Variants in SGIP1 observed in about 807,000 individuals in gnomAD.
The protein encoded by SGIP1 is SH3GL interacting endocytic adaptor 1, also known as SH3-containing GRB2-like protein 3-interacting protein 1.
In SGIP1, 38 loss-of-function variants were observed where a neutral mutation model predicts 107.5. The observed-to-expected ratio is 0.35, with a 90% confidence interval of 0.27 to 0.46. The LOEUF (loss-of-function observed/expected upper bound fraction) is 0.46, where lower values mean the gene tolerates loss of function less well. Among genes scored for constraint, SGIP1 ranks in the 20% least tolerant of loss-of-function variants. The probability of loss-of-function intolerance (pLI) is 1.00; values close to 1 mark genes in which losing one functional copy is unlikely to be tolerated. For missense variants in SGIP1, 929 were observed against 1,019.5 expected (o/e 0.91, Z 1.21); for synonymous variants, 365 against 366.1 (o/e 1.00, Z 0.03).
chr1:66,735,692 C>A lies in SGIP1; in HGVS notation c.2031+1812C>A, dbSNP rs1306871143. On this transcript the variant is annotated intron_variant, in intron 21 of 24. Transcript: ENST00000371037. ...AAAATTAGCCGGGCGCGGTGGCGGGCGCCTGTAGTCCCAGCTACTCGGGAG... is the reference window on the plus strand; with the variant it reads ...AAAATTAGCCGGGCGCGGTGGCGGGAGCCTGTAGTCCCAGCTACTCGGGAG... 3.0e-5 allele frequency among the ~76,000 whole-genome samples: 2 copies of A among 67,542 alleles called. 1 individual carries two copies. The highest frequency in any genetic ancestry group is 2.4e-4 in the Admixed American group (2 of 8,312). 44.3% of individuals were successfully genotyped at this position (67,542 alleles called of 152,430 possible).
rs747960966 is a variant in SGIP1 at position 66,739,486 on chromosome 1, C to G, written c.2183C>G (p.Pro728Arg). Residue 728 changes from proline (P) to arginine (R), a missense_variant, in exon 22 of 25, where the codon CCC (proline) becomes CGC (arginine). Coordinates refer to ENST00000371037, the MANE Select transcript of SGIP1 (RefSeq NM_032291.4). ...VALNNVQFLV[P>R]IDGGVTKLQA... ...CTCAACAATGTGCAGTTCCTGGTCC[C>G]CATCGACGGAGGAGTCACCAAGCTC... 1.9e-6 allele frequency: 3 copies of G among 1,614,112 alleles called. No individual in the cohort carries two copies. Among genetic ancestry groups the G allele is most frequent in the Admixed American group, 1.7e-5 (1 of 60,008 alleles).
At chr1:66,727,012 C>T (rs772750422) in intron 19 of SGIP1, among the ~76,000 whole-genome samples, 5 of 152,092 alleles carry the variant, frequency 3.3e-5, no homozygotes, top group African/African-American at 9.7e-5. Flanking sequence ...TTGTGACCTT[C>T]GGTTTGGCAA....
chr1:66,740,894 T>C (rs935022300), intron 23 of SGIP1, among the ~76,000 whole-genome samples, 172 bp downstream of exon 23: 1 of 152,240 alleles, frequency 6.6e-6, no homozygotes, highest in Non-Finnish European at 1.5e-5. Flanking sequence ...ATGAATTCTC[T>C]TTTTCCCCTT....
At chr1:66,536,808 G>A (rs2053719923) in intron 1 of SGIP1, among the ~76,000 whole-genome samples, 1 of 152,090 alleles carries the variant, frequency 6.6e-6, no homozygotes, top group Non-Finnish European at 1.5e-5. Context: ...CACATTTCTG[G>A]AAAGGAAGAA....
chr1:66,633,657 G>GA (rs1390983682), intron 3 of SGIP1, among the ~76,000 whole-genome samples: 2 of 152,186 alleles, frequency 1.3e-5, no homozygotes, highest in African/African-American at 4.8e-5. Flanking sequence ...CTGGCCACCA[G>GA]AATTCTTGCT....
At chr1:66,564,332 A>G (rs937348669) in intron 1 of SGIP1, among the ~76,000 whole-genome samples, 2 of 151,896 alleles carry the variant, frequency 1.3e-5, no homozygotes, top group Non-Finnish European at 2.9e-5. Flanking sequence ...AACATGGTAA[A>G]ATGCTGTCAT....
At chr1:66,583,245 G>T (rs12066541) in intron 1 of SGIP1, among the ~76,000 whole-genome samples, 28,543 of 151,946 alleles carry the variant, frequency 0.19, 3,151 homozygotes, top group African/African-American at 0.31. Flanking sequence ...AGCCATTAGC[G>T]CTTTTCCTAG....
In SGIP1 at chr1:66,681,985, A is replaced by G; in HGVS notation, c.931A>G (p.Lys311Glu). 6.2e-7 allele frequency: 1 copy of G among 1,614,220 alleles called. No individual in the cohort carries two copies. The highest frequency in any genetic ancestry group is 8.5e-7 in the Non-Finnish European group (1 of 1,180,036). Residue 311 changes from lysine (K) to glutamate (E), a missense_variant, in exon 15 of 25, where the codon AAG (lysine) becomes GAG (glutamate). Coordinates refer to ENST00000371037, the MANE Select transcript of SGIP1 (RefSeq NM_032291.4). ...PKSVAVNAEE[K>E]WVHFSDTSPE... ...GTCTGTTGCTGTTAATGCTGAAGAA[A>G]AGTGGGTCCATTTTTCTGATACATC...
At position 66,635,961 on chromosome 1, in the gene SGIP1, A is replaced by T. The variant is rs770097981; in HGVS notation, c.117A>T (p.Glu39Asp). 4 of 1,613,796 alleles carry T rather than the reference A, an allele frequency of 2.5e-6. No homozygotes were observed. Among genetic ancestry groups the T allele is most frequent in the Non-Finnish European group, 8.5e-7 (1 of 1,179,898 alleles). Residue 39 changes from glutamate to aspartate, a missense_variant, in exon 4 of 25, where the codon GAA (glutamate) becomes GAT (aspartate). Coordinates refer to ENST00000371037, the MANE Select transcript of SGIP1 (RefSeq NM_032291.4). ...AATTCCAGCAGCCCAGCCCACACGA[A>T]CCACCCTACAATAGCAAAGCAGAGT... ...DRDGIQPSPH[E>D]PPYNSKAECA...
At chr1:66,673,691 T>C (rs2084437042) in intron 12 of SGIP1, among the ~76,000 whole-genome samples, 1 of 152,138 alleles carries the variant, frequency 6.6e-6, no homozygotes, top group African/African-American at 2.4e-5. Context: ...TCATTTGAGG[T>C]GTCAACAGAA....
rs2053032257 is a variant in SGIP1, at chr1:66,534,223, C to G, written c.-136C>G. The G allele has an allele frequency of 1.1e-6, 1 of 893,438 alleles. No individual in the cohort carries two copies. Among genetic ancestry groups the G allele is most frequent in the Non-Finnish European group, 1.8e-6 (1 of 542,770 alleles). 55.3% of individuals were successfully genotyped at this position (893,438 alleles called of 1,614,324 possible). On this transcript the variant is annotated 5_prime_UTR_variant, in exon 1 of 25. Transcript: ENST00000371037. ...CCATGGCCTGTCTTTTGGCTTAACACTTATCTCCTTTGGCTTTGACAGCGG... is the reference window on the plus strand; with the variant it reads ...CCATGGCCTGTCTTTTGGCTTAACAGTTATCTCCTTTGGCTTTGACAGCGG...
chr1:66,591,838 A>T, intron 1 of SGIP1, among the ~76,000 whole-genome samples: 1 of 152,152 alleles, frequency 6.6e-6, no homozygotes, highest in East Asian at 1.9e-4. Context: ...GTGAGCAAAG[A>T]TCTCTGTGTC....
chr1:66,689,060 A>T, intron 15 of SGIP1, 88 bp from the exon 16 acceptor site: 1 of 1,452,936 alleles, frequency 6.9e-7, no homozygotes, highest in Non-Finnish European at 9.1e-7. Flanking sequence ...AAAAAAAAAA[A>T]AAAATGTCCG....
chr1:66,597,809 G>A (rs2065014080), intron 1 of SGIP1, among the ~76,000 whole-genome samples: 1 of 152,102 alleles, frequency 6.6e-6, no homozygotes, highest in Admixed American at 6.6e-5. Context: ...TTAACGTTTT[G>A]TTTCCTTTCC....
chr1:66,664,951 G>T (rs1056859056), intron 8 of SGIP1, among the ~76,000 whole-genome samples: 11 of 152,076 alleles, frequency 7.2e-5, no homozygotes, highest in African/African-American at 2.7e-4. Context: ...ACATCTGCTT[G>T]TTGTGCTTTT....
intron 3 of SGIP1, chr1:66,634,195 T>G: frequency 6.4e-7 from 1 of 1,571,926 alleles, no homozygotes; most frequent in African/African-American, 1.3e-5. Context: ...CTTCTTTGCT[T>G]CCGGCTTGGT....
At chr1:66,572,079 C>A (rs930543084) in intron 1 of SGIP1, among the ~76,000 whole-genome samples, 5 of 152,030 alleles carry the variant, frequency 3.3e-5, no homozygotes, top group Admixed American at 1.3e-4. Flanking sequence ...TAGTGTCCAA[C>A]AAACAAGAGG....
chr1:66,722,855 C>A (rs2093604775), intron 19 of SGIP1, among the ~76,000 whole-genome samples: 1 of 152,088 alleles, frequency 6.6e-6, no homozygotes, highest in Non-Finnish European at 1.5e-5. Context: ...TGTCTGCGGC[C>A]TTGGCATTCC....
rs902308018 is a variant in SGIP1 at position 66,534,402 on chromosome 1, A to G, written c.10+34A>G. On this transcript the variant is annotated intron_variant, in intron 1 of 24. Coordinates refer to ENST00000371037, the MANE Select transcript of SGIP1 (RefSeq NM_032291.4). ...CTTTCTGCTATGGTTGACTGGCTTC[A>G]GGCAAGGTTTGGGCAGAACAGCATT... is the stretch of plus-strand genomic sequence containing the variant. The G allele has an allele frequency of 3.7e-6, 6 of 1,613,506 alleles. No individual in the cohort carries two copies. In the African/African-American group the frequency reaches 8.0e-5, roughly 22 times the overall value.
Sources: allele counts gnomAD v4.1 joint callset (sites outside exome capture counted in the v4.1 genomes callset), GRCh38; gene constraint gnomAD v4.1.1; transcripts MANE v1.5; gene names NCBI Gene and HGNC (gene_info 2026-07-23, HGNC 2026-07-21).